CTBP2: variants seen among roughly 807,000 people sequenced by gnomAD.
CTBP2 encodes the protein C-terminal binding protein 2, also known as C-terminal-binding protein 2.
A neutral mutation model predicts 80.3 loss-of-function variants in CTBP2; 30 were observed. The ratio of observed to expected loss-of-function variants is 0.37; its 90% confidence interval spans 0.28 to 0.51. The LOEUF (loss-of-function observed/expected upper bound fraction) is 0.51. Ranked by LOEUF, CTBP2 falls within the 20% of genes least tolerant of loss-of-function variation. The pLI is 0.93. For synonymous variants in CTBP2, 594 were observed against 587.4 expected (o/e 1.01, Z -0.16); for missense variants, 1,212 against 1,375.3 (o/e 0.88, Z 1.88).
chr10:125,042,887 G>A (rs1960237074), intron 2 of CTBP2, among the ~76,000 whole-genome samples: 1 of 91,740 alleles, frequency 1.1e-5, no homozygotes, highest in African/African-American at 5.9e-5. Context: ...AAGCCAAACC[G>A]CACAAGAAAC....
At chr10:125,103,854 C>G (rs1851028594) in intron 2 of CTBP2, among the ~76,000 whole-genome samples, 1 of 152,152 alleles carries the variant, frequency 6.6e-6, no homozygotes, top group South Asian at 2.1e-4. Context: ...AGCTCTGGGA[C>G]CCTCCTGTAA....
chr10:125,158,522 A>C (rs1348036318), intron 1 of CTBP2: 1 of 152,188 alleles, frequency 6.6e-6, no homozygotes, highest in East Asian at 1.9e-4. Flanking sequence ...TATTTATAGA[A>C]TAGAATTCTC....
rs1028859379 is a variant in CTBP2, at chr10:124,997,957, C to T, written c.2185+7G>A. The T allele has an allele frequency of 1.2e-6, 2 of 1,609,962 alleles. No individual in the cohort carries two copies. The highest frequency in any genetic ancestry group is 8.5e-7 in the Non-Finnish European group (1 of 1,178,990). ...GGTTGGGGGTCAGCGCAGAGGGTGG[C>T]ACGTACCAAAGCCAATGAGGCCCAG... is the stretch of plus-strand genomic sequence containing the variant. On this transcript the variant is annotated splice_region_variant and intron_variant, in intron 4 of 8. Transcript: ENST00000309035.
At chr10:125,043,194 C>T (rs993790586) in intron 2 of CTBP2, among the ~76,000 whole-genome samples, 3 of 152,290 alleles carry the variant, frequency 2.0e-5, no homozygotes, top group Non-Finnish European at 1.5e-5. Flanking sequence ...AAAAACGGCA[C>T]ATTTTACAAA....
intron 2 of CTBP2, among the ~76,000 whole-genome samples, chr10:125,077,342 G>T (rs1365288320): frequency 6.6e-6 from 1 of 152,190 alleles, no homozygotes; most frequent in Admixed American, 6.5e-5. Flanking sequence ...GTGAGCTGGG[G>T]AAGAGTTGGT....
intron 1 of CTBP2, among the ~76,000 whole-genome samples, chr10:125,147,489 T>C (rs1859000986): frequency 1.3e-5 from 2 of 152,202 alleles, no homozygotes; most frequent in South Asian, 4.1e-4. Flanking sequence ...TTTCAGTTCA[T>C]TGCTTTGGGC....
intron 1 of CTBP2, among the ~76,000 whole-genome samples, chr10:125,014,598 TC>T (rs1414101858): frequency 6.6e-6 from 1 of 152,262 alleles, no homozygotes; most frequent in Non-Finnish European, 1.5e-5. Flanking sequence ...CTTGGCGGCC[TC>T]CTGGCAAATG....
intron 1 of CTBP2, among the ~76,000 whole-genome samples, chr10:125,150,768 C>T (rs1408113568): frequency 6.7e-6 from 1 of 150,058 alleles, no homozygotes; most frequent in Non-Finnish European, 1.5e-5. Context: ...ACGTATTCAA[C>T]GGGGCCTGCC....
chr10:125,068,110 G>A (rs1230590055), intron 2 of CTBP2, among the ~76,000 whole-genome samples: 1 of 152,182 alleles, frequency 6.6e-6, no homozygotes, highest in African/African-American at 2.4e-5. Context: ...CGAGGAAGAT[G>A]ACAGCCAATT....
At chr10:125,156,365 A>G (rs1449001876) in intron 1 of CTBP2, among the ~76,000 whole-genome samples, 1 of 152,206 alleles carries the variant, frequency 6.6e-6, no homozygotes, top group Non-Finnish European at 1.5e-5. Flanking sequence ...AAAAATGACA[A>G]CTGGGGCTGC....
chr10:125,030,850 A>AG (rs1958098629), upstream of CTBP2, among the ~76,000 whole-genome samples: 1 of 152,110 alleles, frequency 6.6e-6, no homozygotes, highest in African/African-American at 2.4e-5. Context: ...CAGCTTCCCC[A>AG]GGGGGGTCCT....
intron 3 of CTBP2, among the ~76,000 whole-genome samples, chr10:125,036,333 G>A (rs893325695): frequency 8.5e-5 from 13 of 152,132 alleles, no homozygotes; most frequent in Admixed American, 7.2e-4. Flanking sequence ...CCAGCCTAGG[G>A]ACCCACGACC....
intron 1 of CTBP2, among the ~76,000 whole-genome samples, chr10:125,141,321 C>T (rs763195025): frequency 2.2e-4 from 33 of 152,076 alleles, no homozygotes; most frequent in African/African-American, 6.5e-4. Context: ...TAGTGACTAG[C>T]GTCCTATTTG....
intron 2 of CTBP2, among the ~76,000 whole-genome samples, chr10:125,086,253 A>G (rs991111683): frequency 2.0e-5 from 3 of 152,078 alleles, no homozygotes; most frequent in Admixed American, 6.6e-5. Flanking sequence ...TCTTTTGGCC[A>G]AGGCTCGGTG....
At chr10:125,071,649 C>T (rs1355641819) in intron 2 of CTBP2, among the ~76,000 whole-genome samples, 1 of 152,088 alleles carries the variant, frequency 6.6e-6, no homozygotes, top group African/African-American at 2.4e-5. Context: ...TTTTGAAGAG[C>T]TTTTTTAGAA....
intron 2 of CTBP2, among the ~76,000 whole-genome samples, chr10:125,049,642 G>A (rs911765947): frequency 2.6e-5 from 4 of 152,174 alleles, no homozygotes; most frequent in African/African-American, 7.2e-5. Context: ...GTGGAGACCC[G>A]CAGGCATGGT....
chr10:125,146,818 T>C (rs142528384), intron 1 of CTBP2, among the ~76,000 whole-genome samples: 17 of 152,170 alleles, frequency 1.1e-4, no homozygotes, highest in South Asian at 4.2e-4. Flanking sequence ...CAGAAGACAT[T>C]TGGTGATGCT....
chr10:125,093,538 A>C (rs1429334420), intron 2 of CTBP2, among the ~76,000 whole-genome samples: 1 of 152,216 alleles, frequency 6.6e-6, no homozygotes, highest in African/African-American at 2.4e-5. Flanking sequence ...AAAGCAGGAG[A>C]GTCGACTGTT....
chr10:125,012,932 G>A (rs1283804469), intron 1 of CTBP2, among the ~76,000 whole-genome samples: 1 of 152,178 alleles, frequency 6.6e-6, no homozygotes, highest in African/African-American at 2.4e-5. Flanking sequence ...ATGACTATCT[G>A]TTCACCCTGG....
Sources: gnomAD v4.1 joint callset for allele counts (sites outside exome capture counted in the v4.1 genomes callset) on GRCh38, gnomAD v4.1.1 for gene constraint, MANE v1.5 for transcripts, NCBI Gene and HGNC (gene_info 2026-07-23, HGNC 2026-07-21) for gene names.